KCNH7: variants seen among roughly 807,000 people sequenced by gnomAD.
KCNH7 encodes the protein voltage-gated inwardly rectifying potassium channel KCNH7.
In KCNH7, 49 loss-of-function variants were observed where a neutral mutation model predicts 120.8. The ratio of observed to expected loss-of-function variants is 0.41; its 90% confidence interval spans 0.32 to 0.51. The LOEUF (loss-of-function observed/expected upper bound fraction) is 0.51. Ranked by LOEUF, KCNH7 falls within the 20% of genes least tolerant of loss-of-function variation. The pLI is 0.38. For synonymous variants in KCNH7, 547 were observed against 516.1 expected, an observed-to-expected ratio of 1.06 and a Z score of -0.81; for missense variants, 1,097 against 1,446.6, an observed-to-expected ratio of 0.76 and a Z score of 3.92.
At chr2:162,488,846 G>T (rs961511448) in intron 6 of KCNH7, among the ~76,000 whole-genome samples, 8 of 152,122 alleles carry the variant, frequency 5.3e-5, no homozygotes, top group African/African-American at 1.9e-4. Flanking sequence ...ACCTTGCCCG[G>T]CATAACGAAC....
chr2:162,446,693 T>G (rs1240628348), intron 6 of KCNH7, among the ~76,000 whole-genome samples: 4 of 152,088 alleles, frequency 2.6e-5, no homozygotes, highest in East Asian at 1.9e-4. Flanking sequence ...TAATAAATAT[T>G]GCCACTGAGA....
intron 2 of KCNH7, among the ~76,000 whole-genome samples, chr2:162,595,491 C>T (rs950867094): frequency 4.6e-5 from 7 of 151,896 alleles, no homozygotes; most frequent in African/African-American, 1.4e-4. Flanking sequence ...ATAATAAATG[C>T]AGAAAAAGCA....
At chr2:162,454,835 C>T (rs781396922) in intron 6 of KCNH7, among the ~76,000 whole-genome samples, 28 of 151,850 alleles carry the variant, frequency 1.8e-4, no homozygotes, top group African/African-American at 5.3e-4. Context: ...AGAAGTGTTT[C>T]GGCTGAGAAG....
At chr2:162,568,261 T>G (rs1217496419) in intron 2 of KCNH7, among the ~76,000 whole-genome samples, 7 of 151,942 alleles carry the variant, frequency 4.6e-5, no homozygotes, top group African/African-American at 1.7e-4. Flanking sequence ...CCTTGACACA[T>G]AGAGATTATG....
intron 9 of KCNH7, among the ~76,000 whole-genome samples, chr2:162,401,888 T>C (rs1687073285): frequency 6.6e-6 from 1 of 151,894 alleles, no homozygotes; most frequent in Admixed American, 6.6e-5. Context: ...TGAGAATCTT[T>C]GCAATATTGA....
At chr2:162,723,075 G>A (rs1247044668) in intron 2 of KCNH7, among the ~76,000 whole-genome samples, 1 of 151,016 alleles carries the variant, frequency 6.6e-6, no homozygotes, top group African/African-American at 2.4e-5. Flanking sequence ...TAATTTATCT[G>A]CCATAAAGAT....
At chr2:162,397,186 G>A (rs1247971380) in intron 10 of KCNH7, among the ~76,000 whole-genome samples, 6 of 151,664 alleles carry the variant, frequency 4.0e-5, no homozygotes, top group African/African-American at 1.5e-4. Context: ...AGAATGTAGC[G>A]AACATTATCT....
At chr2:162,477,973 A>C (rs1203376175) in intron 6 of KCNH7, among the ~76,000 whole-genome samples, 1 of 152,174 alleles carries the variant, frequency 6.6e-6, no homozygotes, top group East Asian at 1.9e-4. Context: ...AATGGGTATG[A>C]CACAAATAAG....
At chr2:162,553,010 C>T (rs933335486) in intron 2 of KCNH7, among the ~76,000 whole-genome samples, 7 of 152,124 alleles carry the variant, frequency 4.6e-5, no homozygotes, top group South Asian at 2.1e-4. Context: ...TTTAAAGCTG[C>T]TAATTTGTGG....
intron 14 of KCNH7, among the ~76,000 whole-genome samples, chr2:162,377,216 C>A (rs750644138): frequency 1.3e-5 from 2 of 150,840 alleles, no homozygotes; most frequent in African/African-American, 2.4e-5. Context: ...TGTTAAAAAC[C>A]GCAGTGGAGT....
chr2:162,557,099 A>T (rs1324261715), intron 2 of KCNH7, among the ~76,000 whole-genome samples: 3 of 152,190 alleles, frequency 2.0e-5, no homozygotes, highest in African/African-American at 7.2e-5. Context: ...GTTCCAGCTT[A>T]GATTCCTCCA....
intron 2 of KCNH7, among the ~76,000 whole-genome samples, chr2:162,763,728 A>AGTGTGTGTGT (rs72350942): frequency 4.3e-5 from 6 of 139,240 alleles, no homozygotes; most frequent in African/African-American, 1.6e-4. Context: ...AGGCATTTGC[A>AGTGTGTGTGT]GTGTGTGTGT....
At position 162,517,886 on chromosome 2, in the gene KCNH7, G is replaced by C. The variant is rs1558990314; in HGVS notation, c.736C>G (p.Arg246Gly). The C allele has an allele frequency of 6.2e-7, 1 of 1,612,302 alleles. No individual in the cohort carries two copies. The highest frequency in any genetic ancestry group is 8.5e-7 in the Non-Finnish European group (1 of 1,178,900). The change falls in exon 4 of 16, where the codon CGA (arginine) becomes GGA (glycine). Residue 246 changes from arginine to glycine, a missense_variant. Physicochemically the swap from Arg to Gly is moderately radical, Grantham distance 125 (BLOSUM62 -2). This residue lies in a region of KCNH7 where 362 missense variants were observed against 372.2 expected (regional missense o/e 0.97). Coordinates refer to ENST00000332142, the MANE Select transcript of KCNH7 (RefSeq NM_033272.4). ...DHSSPKRQWD[R>G]LYPDMLQSSS... ...GACTGCAGCATGTCAGGGTAGAGTC[G>C]GTCCCATTGCCTTTTGGGAGAGGAA...
chr2:162,441,996 C>CTTTT (rs1558947048), intron 7 of KCNH7, among the ~76,000 whole-genome samples: 11 of 14,556 alleles, frequency 7.6e-4, no homozygotes, highest in Non-Finnish European at 1.5e-3. Context: ...ATAGTTAGGT[C>CTTTT]TTCTTTTTTT....
At chr2:162,605,432 A>G (rs889621575) in intron 2 of KCNH7, among the ~76,000 whole-genome samples, 40 of 152,234 alleles carry the variant, frequency 2.6e-4, no homozygotes, top group African/African-American at 9.6e-4. Flanking sequence ...AAACCATTTC[A>G]GAGAAGGTTT....
chr2:162,407,325 T>G (rs950326975), intron 9 of KCNH7, among the ~76,000 whole-genome samples: 4 of 151,972 alleles, frequency 2.6e-5, no homozygotes, highest in African/African-American at 9.7e-5. Context: ...TAAAGAGTCC[T>G]TGAAAAATGA....
intron 6 of KCNH7, among the ~76,000 whole-genome samples, chr2:162,496,424 C>T (rs1321133377): frequency 6.6e-6 from 1 of 152,018 alleles, no homozygotes; most frequent in Non-Finnish European, 1.5e-5. Flanking sequence ...AGGGGAGCCA[C>T]CTGGAATTCA....
At position 162,568,250 on chromosome 2, in the gene KCNH7, C is replaced by T. The variant is rs969301504; in HGVS notation, c.308-31170G>A. ...TTCAATTAGCTCCCCCAGGGTCCCT[C>T]CCTTGACACATAGAGATTATGGGAT... On this transcript the variant is annotated intron_variant, in intron 2 of 15. Coordinates refer to ENST00000332142, the MANE Select transcript of KCNH7 (RefSeq NM_033272.4). Among the ~76,000 whole-genome samples, 8 of 151,998 alleles carry T rather than the reference C, an allele frequency of 5.3e-5. 1 individual carries two copies. In the South Asian group the frequency reaches 1.7e-3, roughly 32 times the overall value.
intron 2 of KCNH7, among the ~76,000 whole-genome samples, chr2:162,778,356 A>G (rs1259828497): frequency 1.3e-5 from 2 of 152,152 alleles, no homozygotes; most frequent in African/African-American, 4.8e-5. Flanking sequence ...CTTAAATTGT[A>G]GTAGGCAGAT....
Sources: allele counts gnomAD v4.1 joint callset (sites outside exome capture counted in the v4.1 genomes callset), GRCh38; gene constraint gnomAD v4.1.1; regional missense constraint gnomAD v4.1.1; transcripts MANE v1.5; gene names NCBI Gene and HGNC (gene_info 2026-07-23, HGNC 2026-07-21).